Variants in ZNF564 observed in about 807,000 individuals in gnomAD.
ZNF564 encodes the protein zinc finger protein 564.
In ZNF564, 5 loss-of-function variants were observed where a neutral mutation model predicts 10.5. That is an observed-to-expected ratio of 0.48 (90% CI 0.25 to 1.00). The LOEUF is 1.00. Ranked by LOEUF, ZNF564 falls within the 50% of genes least tolerant of loss-of-function variation. The pLI is 0.16. For synonymous variants in ZNF564, 242 were observed against 218.1 expected (o/e 1.11, Z -0.97); for missense variants, 603 against 669.7 (o/e 0.90, Z 1.10).
intron 1 of ZNF564, among the ~76,000 whole-genome samples, chr19:12,543,304 A>G (rs910351307): frequency 1.4e-5 from 2 of 141,696 alleles, no homozygotes; most frequent in Admixed American, 7.1e-5. Context: ...TTCGTCTCAG[A>G]AAAAAAAAAA....
At chr19:12,545,480 A>C (rs943313946) in intron 1 of ZNF564, among the ~76,000 whole-genome samples, 3 of 152,060 alleles carry the variant, frequency 2.0e-5, no homozygotes, top group African/African-American at 7.2e-5. Context: ...CTAACAGTTC[A>C]GTTCTGACAC....
At chr19:12,542,294 G>A (rs1161461269) in intron 1 of ZNF564, among the ~76,000 whole-genome samples, 4 of 120,396 alleles carry the variant, frequency 3.3e-5, no homozygotes, top group African/African-American at 1.3e-4. Flanking sequence ...GGGTAACAGA[G>A]TGAGACTCTG....
intron 1 of ZNF564, among the ~76,000 whole-genome samples, chr19:12,551,038 C>G (rs1220875433): frequency 6.6e-6 from 1 of 152,232 alleles, no homozygotes; most frequent in Non-Finnish European, 1.5e-5. Flanking sequence ...CCTCCCGTGT[C>G]CCAGTACAAA....
chr19:12,549,911 T>C (rs1241691650), intron 1 of ZNF564, among the ~76,000 whole-genome samples: 1 of 152,160 alleles, frequency 6.6e-6, no homozygotes, highest in Non-Finnish European at 1.5e-5. Flanking sequence ...CATCACCTTG[T>C]AAAGTTTCCA....
At chr19:12,545,317 G>A (rs558213748) in intron 1 of ZNF564, among the ~76,000 whole-genome samples, 24 of 149,298 alleles carry the variant, frequency 1.6e-4, no homozygotes, top group Admixed American at 6.7e-4. Context: ...GGAGCTCCAC[G>A]CACCCTACTC....
In ZNF564 at chr19:12,526,714, C is replaced by T. The variant is rs773367691; in HGVS notation, c.1394G>A (p.Arg465Gln). 1.5e-5 allele frequency: 24 copies of T among 1,614,020 alleles called. No individual in the cohort carries two copies. The highest frequency in any genetic ancestry group is 3.3e-5 in the South Asian group (3 of 91,072). ...TCCAGTATGAGTTCTTTCATGTGTT[C>T]GGACAGAACTAGGACAGTCAAAGGC... Reference protein sequence around the residue: ...GKAFDCPSSVRTHERTHTGEK... With the variant: ...GKAFDCPSSVQTHERTHTGEK... Residue 465 changes from arginine to glutamine, a missense_variant, in exon 4 of 4, where the codon CGA becomes CAA. Physicochemically the swap from Arg to Gln is conservative, Grantham distance 43. Transcript: ENST00000339282.
At chr19:12,533,270 C>CT (rs2021842963) in intron 1 of ZNF564, among the ~76,000 whole-genome samples, 1 of 152,054 alleles carries the variant, frequency 6.6e-6, no homozygotes, top group Non-Finnish European at 1.5e-5. Flanking sequence ...GCACATGGAT[C>CT]AAAGAAGTCT....
chr19:12,527,004 C>T lies in ZNF564; in HGVS notation c.1104G>A (p.Lys368=). ...GAGAAATGAAGGCTTTCCCGCATTC[C>T]TTACATTCATAGGGCTTCTCTCCAG... is the stretch of plus-strand genomic sequence containing the variant. ...THTGEKPYEC[K]ECGKAFISLP... The change falls in exon 4 of 4, where the codon AAG becomes AAA. Residue 368 remains lysine, a synonymous_variant. Coordinates refer to ENST00000339282, the MANE Select transcript of ZNF564 (RefSeq NM_144976.4). The T allele has an allele frequency of 6.2e-7, 1 of 1,613,608 alleles. No individual in the cohort carries two copies. Among genetic ancestry groups the T allele is most frequent in the Non-Finnish European group, 8.5e-7 (1 of 1,179,910 alleles).
rs768325186 is a variant in ZNF564, at chr19:12,527,535, G to A, written c.573C>T (p.His191=). Residue 191 remains histidine, a synonymous_variant, in exon 4 of 4, where the codon CAC becomes CAT. Coordinates refer to ENST00000339282, the MANE Select transcript of ZNF564 (RefSeq NM_144976.4). The part of the protein sequence containing the change: ...LPSVRRHMIK[H]TGDGPYKCQE... ...GACATTTATATGGTCCATCTCCAGT[G>A]TGCTTAATCATGTGTCTTCGAACAC... 6.2e-7 allele frequency: 1 copy of A among 1,614,118 alleles called. No individual in the cohort carries two copies. The highest frequency in any genetic ancestry group is 1.1e-5 in the South Asian group (1 of 91,082).
At chr19:12,545,727 G>A (rs1200523306) in intron 1 of ZNF564, among the ~76,000 whole-genome samples, 2 of 152,170 alleles carry the variant, frequency 1.3e-5, no homozygotes, top group East Asian at 3.8e-4. Flanking sequence ...AAAATGGCAG[G>A]GAAAGGGGGG....
chr19:12,531,110 T>C (rs1346605516), intron 1 of ZNF564, among the ~76,000 whole-genome samples: 1 of 152,214 alleles, frequency 6.6e-6, no homozygotes, highest in East Asian at 1.9e-4. Context: ...AAATATTTTT[T>C]AAATTCTATA....
At chr19:12,542,176 G>T (rs528417348) in intron 1 of ZNF564, among the ~76,000 whole-genome samples, 2 of 151,684 alleles carry the variant, frequency 1.3e-5, no homozygotes, top group Non-Finnish European at 2.9e-5. Context: ...GGGTATGGTG[G>T]TGGGCGCCTG....
chr19:12,544,271 A>T (rs1011469343), intron 1 of ZNF564, among the ~76,000 whole-genome samples: 41 of 150,908 alleles, frequency 2.7e-4, no homozygotes, highest in Admixed American at 6.6e-5. Context: ...AACCTATGAC[A>T]GAGCAGGTAT....
At chr19:12,538,352 G>A (rs2021959166) in intron 1 of ZNF564, among the ~76,000 whole-genome samples, 5 of 151,428 alleles carry the variant, frequency 3.3e-5, no homozygotes, top group South Asian at 2.1e-4. Context: ...TTGGCCAGGC[G>A]CAGTGGCTCA....
At chr19:12,541,832 G>A (rs918164755) in intron 1 of ZNF564, among the ~76,000 whole-genome samples, 5 of 149,128 alleles carry the variant, frequency 3.4e-5, no homozygotes, top group African/African-American at 9.9e-5. Flanking sequence ...TGGCTAATAC[G>A]GTGAAACCCC....
rs1312814495 is a variant in ZNF564 at position 12,528,296 on chromosome 19, C to G, written c.191+8G>C. On this transcript the variant is annotated splice_region_variant and intron_variant, in intron 3 of 3. Coordinates refer to ENST00000339282, the MANE Select transcript of ZNF564 (RefSeq NM_144976.4). ...GAGACATTGCTTTATCTTGTCAGTG[C>G]AAATTACCTTAAAATTCTCCCCTGA... 7 of 1,606,890 alleles carry G rather than the reference C, an allele frequency of 4.4e-6. No individual in the cohort carries two copies. Among genetic ancestry groups the G allele is most frequent in the Non-Finnish European group, 5.9e-6 (7 of 1,178,094 alleles).
At chr19:12,536,028 A>G (rs1029443104) in intron 1 of ZNF564, among the ~76,000 whole-genome samples, 1 of 147,124 alleles carries the variant, frequency 6.8e-6, no homozygotes, top group Admixed American at 6.9e-5. Context: ...AAAAAAAAAA[A>G]TAGGGCAAAC....
At chr19:12,531,279 AT>A (rs2021794681) in intron 1 of ZNF564, among the ~76,000 whole-genome samples, 2 of 152,102 alleles carry the variant, frequency 1.3e-5, no homozygotes, top group Non-Finnish European at 2.9e-5. Context: ...ATGGTGGCTC[AT>A]GTCTGTAATC....
intron 1 of ZNF564, 42 bp from the exon 2 acceptor site, chr19:12,528,738 T>C: frequency 1.3e-6 from 2 of 1,591,578 alleles, no homozygotes; most frequent in African/African-American, 1.4e-5. Flanking sequence ...AAGAATGAGA[T>C]GACAGTACAG....
Sources: gnomAD v4.1 joint callset for allele counts (sites outside exome capture counted in the v4.1 genomes callset) on GRCh38, gnomAD v4.1.1 for gene constraint, MANE v1.5 for transcripts, NCBI Gene and HGNC (gene_info 2026-07-23, HGNC 2026-07-21) for gene names.